Variants in EPHA6 observed in about 807,000 individuals in gnomAD.
EPHA6 encodes the protein ephrin type-A receptor 6.
Under a neutral mutation model 112.0 loss-of-function variants are expected in EPHA6, and 50 were observed. The observed-to-expected ratio is 0.45, with a 90% CI of 0.36 to 0.56. EPHA6 has a LOEUF of 0.56. EPHA6 is among the 20% of genes least tolerant of loss of function. The pLI is 0.00. For synonymous variants in EPHA6, 529 were observed against 490.7 expected (o/e 1.08, Z -1.03); for missense variants, 1,280 against 1,417.4 (o/e 0.90, Z 1.56).
At chr3:97,608,479 G>A (rs1390253478) in intron 12 of EPHA6, among the ~76,000 whole-genome samples, 1 of 151,226 alleles carries the variant, frequency 6.6e-6, no homozygotes, top group Admixed American at 6.6e-5. Flanking sequence ...AGGATACAAA[G>A]CATTATGGGA....
intron 14 of EPHA6, among the ~76,000 whole-genome samples, chr3:97,708,684 CAGGCCTGG>C (rs2033807347): frequency 6.6e-6 from 1 of 152,230 alleles, no homozygotes; most frequent in Admixed American, 6.5e-5. Context: ...CTTCCCAACA[CAGGCCTGG>C]AGGCCTAGGA....
At chr3:97,338,547 T>C (rs900521214) in intron 5 of EPHA6, among the ~76,000 whole-genome samples, 1 of 152,142 alleles carries the variant, frequency 6.6e-6, no homozygotes, top group African/African-American at 2.4e-5. Flanking sequence ...CTCAAATGAA[T>C]CATTCTGTAA....
chr3:97,681,099 A>T (rs140974576), intron 14 of EPHA6, among the ~76,000 whole-genome samples: 1 of 152,270 alleles, frequency 6.6e-6, no homozygotes, highest in East Asian at 1.9e-4. Context: ...TTTACAGAAG[A>T]GGAAATACAA....
At chr3:97,524,665 T>C (rs1361568064) in intron 10 of EPHA6, among the ~76,000 whole-genome samples, 1 of 152,170 alleles carries the variant, frequency 6.6e-6, no homozygotes, top group Non-Finnish European at 1.5e-5. Context: ...GCCAGTCCCA[T>C]GATGATGGAT....
chr3:97,254,816 T>G (rs890584844), intron 5 of EPHA6, among the ~76,000 whole-genome samples: 7 of 152,180 alleles, frequency 4.6e-5, no homozygotes, highest in Non-Finnish European at 8.8e-5. Flanking sequence ...ACCTAAAACC[T>G]TCCTGCAACC....
chr3:97,409,987 TTG>T (rs1423261158), intron 6 of EPHA6, among the ~76,000 whole-genome samples: 4 of 152,020 alleles, frequency 2.6e-5, no homozygotes, highest in Non-Finnish European at 5.9e-5. Flanking sequence ...ATAAATAATG[TTG>T]TGACACTGAG....
intron 13 of EPHA6, among the ~76,000 whole-genome samples, chr3:97,613,204 C>A (rs553315613): frequency 1.2e-3 from 177 of 152,148 alleles, no homozygotes; most frequent in Non-Finnish European, 5.7e-4. Context: ...ATAGCAGATA[C>A]TCAACTCCCC....
chr3:97,533,660 G>A (rs530041019), intron 11 of EPHA6, among the ~76,000 whole-genome samples: 10 of 152,146 alleles, frequency 6.6e-5, no homozygotes, highest in African/African-American at 2.4e-4. Flanking sequence ...CAAGTGTGAT[G>A]CAAGTAAAGG....
chr3:97,290,975 T>G (rs77670374), intron 5 of EPHA6, among the ~76,000 whole-genome samples: 3,011 of 152,244 alleles, frequency 0.02, 94 homozygotes, highest in African/African-American at 0.067. Flanking sequence ...GGTTCATGAT[T>G]AGGATTGTTC....
chr3:97,350,452 C>T (rs2083752609), intron 5 of EPHA6, among the ~76,000 whole-genome samples: 1 of 151,914 alleles, frequency 6.6e-6, no homozygotes, highest in African/African-American at 2.4e-5. Context: ...GGAAATTTCA[C>T]AAATATAGTG....
intron 5 of EPHA6, among the ~76,000 whole-genome samples, chr3:97,386,296 CA>C (rs1378377411): frequency 6.6e-6 from 1 of 152,076 alleles, no homozygotes; most frequent in Non-Finnish European, 1.5e-5. Flanking sequence ...TCAGGTATGT[CA>C]TTATAGGAGT....
intron 2 of EPHA6, among the ~76,000 whole-genome samples, chr3:96,958,531 C>CA (rs1316190334): frequency 1.3e-5 from 2 of 152,058 alleles, no homozygotes; most frequent in Non-Finnish European, 2.9e-5. Flanking sequence ...CAATAATAGT[C>CA]AATGATTTTC....
intron 11 of EPHA6, among the ~76,000 whole-genome samples, chr3:97,582,406 A>G (rs914851672): frequency 6.6e-6 from 1 of 152,148 alleles, no homozygotes; most frequent in African/African-American, 2.4e-5. Context: ...GAGTGACATA[A>G]TCTAAACTGG....
At chr3:97,402,298 C>G (rs991034653) in intron 5 of EPHA6, among the ~76,000 whole-genome samples, 13 of 151,940 alleles carry the variant, frequency 8.6e-5, no homozygotes, top group Admixed American at 8.5e-4. Context: ...CTCTTTAGAT[C>G]TAATATTTGC....
intron 1 of EPHA6, among the ~76,000 whole-genome samples, chr3:96,835,442 G>A (rs140057793): frequency 6.6e-6 from 1 of 152,102 alleles, no homozygotes; most frequent in African/African-American, 2.4e-5. Flanking sequence ...ATAATTAGTA[G>A]TACAAATCAT....
At chr3:97,561,315 C>T (rs2093188178) in intron 11 of EPHA6, among the ~76,000 whole-genome samples, 1 of 152,040 alleles carries the variant, frequency 6.6e-6, no homozygotes, top group African/African-American at 2.4e-5. Flanking sequence ...TTGTGCCAAA[C>T]AGCCCAGTTG....
At chr3:97,139,576 T>A (rs1436005014) in intron 3 of EPHA6, among the ~76,000 whole-genome samples, 3 of 152,098 alleles carry the variant, frequency 2.0e-5, no homozygotes, top group Non-Finnish European at 4.4e-5. Context: ...TAAGGATATG[T>A]ATAACCAAGG....
At chr3:97,162,595 T>C (rs2076440760) in intron 3 of EPHA6, among the ~76,000 whole-genome samples, 1 of 152,118 alleles carries the variant, frequency 6.6e-6, no homozygotes, top group Non-Finnish European at 1.5e-5. Context: ...GATTATTCAT[T>C]TTTCCCAATG....
At position 96,842,553 on chromosome 3, in the gene EPHA6, G is replaced by C. The variant is rs1361512165; in HGVS notation, c.386-24272G>C. On this transcript the variant is annotated intron_variant, in intron 1 of 17. Coordinates refer to ENST00000389672, the MANE Select transcript of EPHA6 (RefSeq NM_001080448.3). Reference sequence around the variant, plus strand: ...AACTCTAATCTTATAAACAGGCTCAGATTGAATTTAGATTAAAATAGAGGT... The same window carrying C: ...AACTCTAATCTTATAAACAGGCTCACATTGAATTTAGATTAAAATAGAGGT... Among the ~76,000 whole-genome samples the C allele has an allele frequency of 5.9e-5, 9 of 152,116 alleles. No individual in the cohort carries two copies. In the East Asian group the frequency reaches 1.7e-3, roughly 29 times the overall value.
Sources: gnomAD v4.1 joint callset for allele counts (sites outside exome capture counted in the v4.1 genomes callset) on GRCh38, gnomAD v4.1.1 for gene constraint, MANE v1.5 for transcripts, NCBI Gene and HGNC (gene_info 2026-07-23, HGNC 2026-07-21) for gene names.